FILIP1L: variants seen among roughly 807,000 people sequenced by gnomAD.
FILIP1L encodes the protein filamin A-interacting protein 1-like.
Under a neutral mutation model 96.6 loss-of-function variants are expected in FILIP1L, and 55 were observed. The observed-to-expected ratio is 0.57, with a 90% CI of 0.46 to 0.71. The LOEUF (loss-of-function observed/expected upper bound fraction) is 0.71, where lower values mean the gene tolerates loss of function less well. Ranked by LOEUF, FILIP1L falls within the 30% of genes least tolerant of loss-of-function variation. FILIP1L has a pLI of 0.00. For synonymous variants in FILIP1L, 467 were observed against 473.9 expected, an observed-to-expected ratio of 0.99 and a Z score of 0.19; for missense variants, 1,304 against 1,321.2, an observed-to-expected ratio of 0.99 and a Z score of 0.20.
At chr3:100,100,423 A>C (rs1408696076) in intron 1 of FILIP1L, among the ~76,000 whole-genome samples, 1 of 152,194 alleles carries the variant, frequency 6.6e-6, no homozygotes, top group Non-Finnish European at 1.5e-5. Context: ...AATTACTATC[A>C]TCTGGATTTT....
At chr3:99,993,233 A>G (rs1219435482) in intron 1 of FILIP1L, among the ~76,000 whole-genome samples, 2 of 151,950 alleles carry the variant, frequency 1.3e-5, no homozygotes, top group Non-Finnish European at 2.9e-5. Context: ...TACATTGAAT[A>G]TTATTAAAAT....
At chr3:99,867,880 G>C (rs1392453363) in intron 4 of FILIP1L, among the ~76,000 whole-genome samples, 1 of 152,134 alleles carries the variant, frequency 6.6e-6, no homozygotes, top group Admixed American at 6.5e-5. Context: ...TTCACAAGTT[G>C]TAAGTATGCT....
intron 5 of FILIP1L, among the ~76,000 whole-genome samples, chr3:99,841,869 C>T (rs1943148159): frequency 6.6e-6 from 1 of 152,126 alleles, no homozygotes; most frequent in Non-Finnish European, 1.5e-5. Flanking sequence ...AAGGGGAACA[C>T]TTTTACACTG....
chr3:99,987,065 C>CA (rs1709362402), intron 1 of FILIP1L, among the ~76,000 whole-genome samples: 1 of 151,426 alleles, frequency 6.6e-6, no homozygotes, highest in Non-Finnish European at 1.5e-5. Context: ...CCCATCACTA[C>CA]AAAAAAATAC....
At chr3:99,856,934 AT>A (rs1481829718) in intron 4 of FILIP1L, among the ~76,000 whole-genome samples, 1 of 152,204 alleles carries the variant, frequency 6.6e-6, no homozygotes, top group Non-Finnish European at 1.5e-5. Context: ...TTATATTATA[AT>A]TCTTACCGCT....
intron 1 of FILIP1L, among the ~76,000 whole-genome samples, chr3:100,012,661 C>T (rs1710192036): frequency 1.3e-5 from 2 of 152,054 alleles, no homozygotes; most frequent in African/African-American, 4.8e-5. Flanking sequence ...TCATAAAAGG[C>T]AGACATACAT....
At chr3:99,973,862 T>G (rs530115767) in intron 1 of FILIP1L, among the ~76,000 whole-genome samples, 1 of 152,300 alleles carries the variant, frequency 6.6e-6, no homozygotes, top group African/African-American at 2.4e-5. Context: ...GAGGGATGGT[T>G]GCTCTAAGTT....
intron 3 of FILIP1L, among the ~76,000 whole-genome samples, chr3:99,926,394 G>T (rs1057189395): frequency 2.0e-5 from 3 of 152,236 alleles, no homozygotes; most frequent in African/African-American, 7.2e-5. Flanking sequence ...TTCTGAGGAG[G>T]CTCTAGTGTT....
Position 99,850,389 on chromosome 3 carries a change from C to T in FILIP1L, c.1287G>A (p.Lys429=). Residue 429 remains lysine, a synonymous_variant, in exon 5 of 6, where the codon AAG becomes AAA. Transcript: ENST00000477258. ...KLSKRIMALE[K]LEDAFNKSKQ... ...TGCTTTTGTTGAAAGCGTCTTCTAA[C>T]TTTTCCAGAGCCATAATTCTTTTAC... 1 of 1,613,462 alleles carries T rather than the reference C, an allele frequency of 6.2e-7. No individual in the cohort carries two copies. The highest frequency in any genetic ancestry group is 8.5e-7 in the Non-Finnish European group (1 of 1,179,884).
At chr3:100,082,191 T>C (rs1189832133) in intron 1 of FILIP1L, among the ~76,000 whole-genome samples, 4 of 152,212 alleles carry the variant, frequency 2.6e-5, no homozygotes, top group Non-Finnish European at 4.4e-5. Flanking sequence ...CCAAGAACAT[T>C]ATTGCTAAAG....
At chr3:99,832,328 T>C (rs2107486316) in intron 5 of FILIP1L, among the ~76,000 whole-genome samples, 1 of 149,864 alleles carries the variant, frequency 6.7e-6, no homozygotes, top group East Asian at 2.0e-4. Flanking sequence ...CCTCCCGGGC[T>C]CCCGCCATTC....
intron 1 of FILIP1L, among the ~76,000 whole-genome samples, chr3:100,009,426 A>G (rs1193447265): frequency 6.6e-6 from 1 of 152,172 alleles, no homozygotes; most frequent in Admixed American, 6.5e-5. Flanking sequence ...GAGCAGTCAA[A>G]GACATTAATG....
At chr3:100,012,777 T>G (rs1253906394) in intron 1 of FILIP1L, among the ~76,000 whole-genome samples, 4 of 144,964 alleles carry the variant, frequency 2.8e-5, no homozygotes, top group African/African-American at 1.0e-4. Flanking sequence ...TTTTTTTTTT[T>G]TTGGGTTGGG....
At chr3:100,102,072 A>G (rs1024615730) in intron 1 of FILIP1L, among the ~76,000 whole-genome samples, 22 of 152,204 alleles carry the variant, frequency 1.4e-4, no homozygotes, top group African/African-American at 5.3e-4. Flanking sequence ...ATAGTGCCAC[A>G]ATAAACATAC....
intron 1 of FILIP1L, among the ~76,000 whole-genome samples, chr3:99,983,412 ATATATATG>A (rs1454511372): frequency 1.5e-4 from 16 of 107,024 alleles, no homozygotes; most frequent in East Asian, 4.6e-4. Context: ...ATATATATAT[ATATATATG>A]TATGTATGTA....
chr3:100,061,875 G>A (rs2065572340), intron 1 of FILIP1L, among the ~76,000 whole-genome samples: 1 of 151,904 alleles, frequency 6.6e-6, no homozygotes, highest in Non-Finnish European at 1.5e-5. Flanking sequence ...CATTTATTGT[G>A]GTAAAATATA....
chr3:99,849,165 G>T lies in FILIP1L; in HGVS notation c.2511C>A (p.Asp837Glu). 1 of 1,614,140 alleles carries T rather than the reference G, an allele frequency of 6.2e-7. No individual in the cohort carries two copies. The highest frequency in any genetic ancestry group is 8.5e-7 in the Non-Finnish European group (1 of 1,180,020). ...ACAGCACAGATCCCTCATCATTAGGGTCCTCGTCTTGATTCTCACTCTCCT... is the reference window on the plus strand; with the variant it reads ...ACAGCACAGATCCCTCATCATTAGGTTCCTCGTCTTGATTCTCACTCTCCT... ...LYEESENQDE[D>E]PNDEGSVLSF... is the part of the protein sequence containing the mutation. The change falls in exon 5 of 6, where the codon GAC (aspartate) becomes GAA (glutamate). Residue 837 changes from aspartate (D) to glutamate (E), a missense_variant. Physicochemically the swap from Asp to Glu is conservative, Grantham distance 45. Coordinates refer to ENST00000477258, the MANE Select transcript of FILIP1L (RefSeq NM_001387850.1).
intron 1 of FILIP1L, among the ~76,000 whole-genome samples, chr3:100,103,465 G>A (rs746534346): frequency 6.6e-6 from 1 of 152,228 alleles, no homozygotes; most frequent in African/African-American, 2.4e-5. Context: ...CTAGGTGTGA[G>A]CTCCTTTGTG....
chr3:99,849,844 G>A lies in FILIP1L; in HGVS notation c.1832C>T (p.Ser611Phe), dbSNP rs1018798337. The A allele has an allele frequency of 3.7e-6, 6 of 1,610,776 alleles. No individual in the cohort carries two copies. The highest frequency in any genetic ancestry group is 3.4e-5 in the Admixed American group (2 of 59,452). Residue 611 changes from serine to phenylalanine, a missense_variant, in exon 5 of 6, where the codon TCT becomes TTT. Physicochemically the swap from Ser to Phe is radical, Grantham distance 155. Coordinates refer to ENST00000477258, the MANE Select transcript of FILIP1L (RefSeq NM_001387850.1). The stretch of plus-strand genomic sequence containing the variant: ...GTGTAATGCTGTTGTGGATTTCCCA[G>A]AGTCTTGATTTAATTTGTTTTTTAG... ...DFLKNKLNQD[S>F]GKSTTALHQE...
Sources: gnomAD v4.1 joint callset for allele counts (sites outside exome capture counted in the v4.1 genomes callset) on GRCh38, gnomAD v4.1.1 for gene constraint, MANE v1.5 for transcripts, NCBI Gene and HGNC (gene_info 2026-07-23, HGNC 2026-07-21) for gene names.